The following SIPA1L3 variants were observed in gnomAD, a reference collection of about 807,000 sequenced individuals.
The protein encoded by SIPA1L3 is signal induced proliferation associated 1 like 3, also known as signal-induced proliferation-associated 1-like protein 3.
A neutral mutation model predicts 150.1 loss-of-function variants in SIPA1L3; 59 were observed. The ratio of observed to expected loss-of-function variants is 0.39; its 90% CI spans 0.32 to 0.49. The LOEUF is 0.49. Ranked by LOEUF, SIPA1L3 falls within the 20% of genes least tolerant of loss-of-function variation. The pLI, the probability that SIPA1L3 is intolerant of heterozygous loss-of-function variation, is 0.86. For synonymous variants in SIPA1L3, 1,070 were observed against 1,077.6 expected (o/e 0.99, Z 0.14); for missense variants, 2,211 against 2,489.5 (o/e 0.89, Z 2.38).
chr19:37,969,117 T>G (rs1015356645), intron 1 of SIPA1L3, among the ~76,000 whole-genome samples: 2 of 152,212 alleles, frequency 1.3e-5, no homozygotes, highest in Non-Finnish European at 2.9e-5. Flanking sequence ...GCCTGTAGTT[T>G]CAGCTACTAG....
intron 1 of SIPA1L3, among the ~76,000 whole-genome samples, chr19:37,934,892 G>A (rs888280347): frequency 1.7e-4 from 26 of 152,202 alleles, no homozygotes; most frequent in Non-Finnish European, 7.3e-5. Flanking sequence ...TTTAGTGGCT[G>A]CGTAACACAC....
rs370319919 is a variant in SIPA1L3, at chr19:38,082,910, G to T, written c.1345G>T (p.Val449Leu). The change falls in exon 3 of 22, where the codon GTG becomes TTG. Residue 449 changes from valine (V) to leucine (L), a missense_variant. Val to Leu is a conservative substitution (Grantham distance 32). Around this residue, in one of 5 missense-constraint regions of SIPA1L3, gnomAD observed 587 missense variants for 534.5 expected, o/e 1.10. Coordinates refer to ENST00000222345, the MANE Select transcript of SIPA1L3 (RefSeq NM_015073.3). ...CAACGTGAGCTTCTCCCGGGCTTCC[G>T]TGGGCTCCCCGAGCAGCGGCGAGGG... is the stretch of plus-strand genomic sequence containing the variant. ...ERNVSFSRAS[V>L]GSPSSGEGHL... 6.2e-7 allele frequency: 1 copy of T among 1,613,192 alleles called. No homozygotes were observed. Among genetic ancestry groups the T allele is most frequent in the South Asian group, 1.1e-5 (1 of 91,064 alleles).
chr19:37,943,217 A>T (rs1032547444), intron 1 of SIPA1L3, among the ~76,000 whole-genome samples: 1 of 151,996 alleles, frequency 6.6e-6, no homozygotes, highest in Admixed American at 6.6e-5. Flanking sequence ...TCTAGCCCTC[A>T]TATGGTAGAC....
At chr19:38,135,590 G>A (rs1971418626) in intron 10 of SIPA1L3, among the ~76,000 whole-genome samples, 1 of 152,226 alleles carries the variant, frequency 6.6e-6, no homozygotes, top group Non-Finnish European at 1.5e-5. Context: ...GAAAGGCAAA[G>A]AAAAGTCTGC....
At chr19:37,945,288 G>A (rs535811807) in intron 1 of SIPA1L3, among the ~76,000 whole-genome samples, 2 of 151,982 alleles carry the variant, frequency 1.3e-5, no homozygotes, top group South Asian at 4.2e-4. Context: ...AGGCTGGAGT[G>A]CAGTGGTGCG....
In SIPA1L3 at chr19:38,079,070, C is replaced by T. The variant is rs537781676; in HGVS notation, c.-310-2186C>T. ...CGTCCTGGACGTTCTAGATGGCTCA[C>T]GCCTGTAATCCCAGCACTTTGGGAG... On this transcript the variant is annotated intron_variant, in intron 2 of 21. Transcript: ENST00000222345. 3.3e-5 allele frequency among the ~76,000 whole-genome samples: 5 copies of T among 152,300 alleles called. No individual in the cohort carries two copies. In the South Asian group the frequency reaches 6.2e-4, roughly 19 times the overall value.
rs1352190797 is a variant in SIPA1L3 at position 38,142,671 on chromosome 19, G to T, written c.3494G>T (p.Gly1165Val). The T allele has an allele frequency of 6.2e-7, 1 of 1,613,954 alleles. No homozygotes were observed. Among genetic ancestry groups the T allele is most frequent in the Non-Finnish European group, 8.5e-7 (1 of 1,179,940 alleles). ...RQPSGSFSTP[G>V]SATYVRYKPS... ...CCTTCTGGGAGCTTCTCCACCCCCG[G>T]TTCGGCCACCTACGTGAGATACAAG... Residue 1165 changes from glycine to valine, a missense_variant, in exon 12 of 22, where the codon GGT (glycine) becomes GTT (valine). Around this residue, in one of 5 missense-constraint regions of SIPA1L3, gnomAD observed 806 missense variants for 870.1 expected, o/e 0.93. Transcript: ENST00000222345.
chr19:38,160,219 G>A lies in SIPA1L3; in HGVS notation c.3662-2034G>A, dbSNP rs567576446. On this transcript the variant is annotated intron_variant, in intron 13 of 21. Transcript: ENST00000222345. Reference sequence around the variant, plus strand: ...AGGAGAGACAGGGTTTCACCATGTTGGTCAGGCTGGTCCTGAACTCCTGAC... The same window carrying A: ...AGGAGAGACAGGGTTTCACCATGTTAGTCAGGCTGGTCCTGAACTCCTGAC... Among the ~76,000 whole-genome samples, 89 of 151,596 alleles carry A rather than the reference G, an allele frequency of 5.9e-4. 1 individual carries two copies. Among genetic ancestry groups the A allele is most frequent in the East Asian group, 1.8e-3 (9 of 5,092 alleles).
intron 9 of SIPA1L3, among the ~76,000 whole-genome samples, chr19:38,124,067 A>G (rs1172244572): frequency 1.4e-5 from 2 of 143,462 alleles, no homozygotes; most frequent in African/African-American, 5.3e-5. Context: ...GGCGCCCCTC[A>G]CCTCCCGGAC....
At chr19:38,078,693 G>C (rs902645970) in intron 2 of SIPA1L3, among the ~76,000 whole-genome samples, 3 of 152,166 alleles carry the variant, frequency 2.0e-5, no homozygotes, top group African/African-American at 7.2e-5. Flanking sequence ...TCCAGCTCTA[G>C]ATTCCCAGGG....
intron 2 of SIPA1L3, among the ~76,000 whole-genome samples, chr19:38,074,225 TAGG>T (rs1374511767): frequency 6.6e-6 from 1 of 152,110 alleles, no homozygotes; most frequent in African/African-American, 2.4e-5. Context: ...CTGCAGCTGC[TAGG>T]AGAAGGGATT....
At chr19:37,992,951 T>C (rs1967549009) in intron 1 of SIPA1L3, among the ~76,000 whole-genome samples, 1 of 152,206 alleles carries the variant, frequency 6.6e-6, no homozygotes, top group South Asian at 2.1e-4. Context: ...TCAGCAGACC[T>C]GGGTCCCTGG....
At chr19:38,012,828 C>T (rs1968136395) in intron 1 of SIPA1L3, among the ~76,000 whole-genome samples, 1 of 152,174 alleles carries the variant, frequency 6.6e-6, no homozygotes, top group Non-Finnish European at 1.5e-5. Context: ...CTGGTGTGGC[C>T]TTTGGTTCTG....
chr19:38,028,712 A>T lies in SIPA1L3; in HGVS notation c.-378-377A>T, dbSNP rs868431826. Among the ~76,000 whole-genome samples the T allele has an allele frequency of 4.5e-3, 527 of 118,170 alleles. 3 individuals are homozygous for T. Among genetic ancestry groups the T allele is most frequent in the African/African-American group, 0.016 (512 of 31,434 alleles). 77.5% of individuals were successfully genotyped at this position (118,170 alleles called of 152,430 possible). On this transcript the variant is annotated intron_variant, in intron 1 of 21. Transcript: ENST00000222345. The stretch of plus-strand genomic sequence containing the variant: ...AAATACTTTTTTTTTTTTTTTTTTG[A>T]GACAGAGTCTTGCTCCATCACCCAG...
chr19:38,109,993 A>G, intron 7 of SIPA1L3: 1 of 499,008 alleles, frequency 2.0e-6, no homozygotes. Context: ...CAGAGGGAAC[A>G]GCGGTGCAGA....
intron 1 of SIPA1L3, among the ~76,000 whole-genome samples, chr19:37,983,876 A>T (rs1388516127): frequency 6.7e-6 from 1 of 148,490 alleles, no homozygotes. Context: ...ACTGCCCTCC[A>T]GCCTGGGTGA....
rs904609671 is a variant in SIPA1L3 at position 38,206,412 on chromosome 19, G to A, written c.*172G>A. 15 of 785,372 alleles carry A rather than the reference G, an allele frequency of 1.9e-5. No homozygotes were observed. Among genetic ancestry groups the A allele is most frequent in the Non-Finnish European group, 2.7e-5 (14 of 511,768 alleles). The allele number at this position is 785,372 out of a possible 1,614,324, so 48.7% of individuals were successfully genotyped here. On this transcript the variant is annotated 3_prime_UTR_variant, in exon 22 of 22. Coordinates refer to ENST00000222345, the MANE Select transcript of SIPA1L3 (RefSeq NM_015073.3). The stretch of plus-strand genomic sequence containing the variant: ...ACTAGGGCTGTGAGTCAGGGTCAGC[G>A]CGCACAGCCCTCATGCCCCAGAGGG...
chr19:38,082,472 C>G lies in SIPA1L3; in HGVS notation c.907C>G (p.Arg303Gly), dbSNP rs568659776. Reference protein sequence around the residue: ...GGDTVDSSIFRKLRSSKPEGE... With the variant: ...GGDTVDSSIFGKLRSSKPEGE... Reference sequence around the variant, plus strand: ...GGACACGGTGGACTCGTCCATCTTTCGGAAGCTAAGGAGCAGCAAACCCGA... The same window carrying G: ...GGACACGGTGGACTCGTCCATCTTTGGGAAGCTAAGGAGCAGCAAACCCGA... Residue 303 changes from arginine (R) to glycine (G), a missense_variant, in exon 3 of 22, where the codon CGG (arginine) becomes GGG (glycine). Arg to Gly is a moderately radical substitution (Grantham distance 125). This residue lies in a region of SIPA1L3 where 587 missense variants were observed against 534.5 expected (regional missense o/e 1.10). Coordinates refer to ENST00000222345, the MANE Select transcript of SIPA1L3 (RefSeq NM_015073.3). 79 of 1,590,138 alleles carry G rather than the reference C, an allele frequency of 5.0e-5. No individual in the cohort carries two copies. The Middle Eastern group carries it at 1.8e-3, about 37-fold the overall frequency.
chr19:37,985,713 A>G (rs942701144), intron 1 of SIPA1L3, among the ~76,000 whole-genome samples: 1 of 152,184 alleles, frequency 6.6e-6, no homozygotes, highest in Non-Finnish European at 1.5e-5. Context: ...CAAAGCCTCC[A>G]TTTGCTTCCA....
Sources: gnomAD v4.1 joint callset for allele counts (sites outside exome capture counted in the v4.1 genomes callset) on GRCh38, gnomAD v4.1.1 for gene constraint, gnomAD v4.1.1 regional missense constraint, MANE v1.5 for transcripts, NCBI Gene and HGNC (gene_info 2026-07-23, HGNC 2026-07-21) for gene names.